Variants in CRTC3 observed in about 807,000 individuals in gnomAD.
CRTC3 encodes the protein CREB-regulated transcription coactivator 3.
CRTC3 carries 26 observed loss-of-function variants against 74.5 expected under a neutral mutation model. The observed-to-expected ratio is 0.35, with a 90% CI of 0.26 to 0.48. The LOEUF (loss-of-function observed/expected upper bound fraction) is 0.48, where lower values mean the gene tolerates loss of function less well. CRTC3 is among the 20% of genes least tolerant of loss of function. The probability of loss-of-function intolerance (pLI) is 0.99; values close to 1 mark genes in which losing one functional copy is unlikely to be tolerated. For missense variants in CRTC3, 760 were observed against 787.3 expected, an observed-to-expected ratio of 0.97 and a Z score of 0.41; for synonymous variants, 377 against 325.8, an observed-to-expected ratio of 1.16 and a Z score of -1.69.
intron 2 of CRTC3, among the ~76,000 whole-genome samples, chr15:90,585,533 G>A (rs1280978623): frequency 6.6e-6 from 1 of 152,018 alleles, no homozygotes; most frequent in African/African-American, 2.4e-5. Flanking sequence ...ATTTTATGTA[G>A]GCTATATAGC....
intron 10 of CRTC3, among the ~76,000 whole-genome samples, chr15:90,626,555 G>T (rs140376595): frequency 5.7e-4 from 86 of 151,432 alleles, no homozygotes; most frequent in African/African-American, 2.1e-3. Context: ...GGGTTTGATT[G>T]TCCACAGCTC....
At position 90,642,162 on chromosome 15, in the gene CRTC3, G is replaced by T; in HGVS notation, c.*22G>T. 1 of 1,605,230 alleles carries T rather than the reference G, an allele frequency of 6.2e-7. No individual in the cohort carries two copies. Among genetic ancestry groups the T allele is most frequent in the Non-Finnish European group, 8.5e-7 (1 of 1,172,444 alleles). On this transcript the variant is annotated 3_prime_UTR_variant, in exon 15 of 15. Transcript: ENST00000268184. ...GTGAACAGAAGGCAGTGGAACAGAA[G>T]AATGTTTTTCTGCAACAGCCAAAAT...
At chr15:90,635,018 A>G in intron 11 of CRTC3, 4 of 1,203,570 alleles carry the variant, frequency 3.3e-6, no homozygotes, top group Non-Finnish European at 4.9e-6. Context: ...ACATTCTTGG[A>G]AAGTACATAG....
intron 4 of CRTC3, 82 bp downstream of exon 4, chr15:90,602,467 T>C (rs962671884): frequency 2.5e-5 from 20 of 797,294 alleles, no homozygotes; most frequent in Non-Finnish European, 3.9e-5. Context: ...GAATGTTGTT[T>C]AGAAATTTCT....
chr15:90,575,180 G>A (rs895707982), intron 2 of CRTC3, among the ~76,000 whole-genome samples: 4 of 152,032 alleles, frequency 2.6e-5, no homozygotes, highest in South Asian at 4.1e-4. Flanking sequence ...TGAAACCCCC[G>A]TCTCTGCTAA....
At position 90,642,345 on chromosome 15, in the gene CRTC3, G is replaced by A. The variant is rs530590379; in HGVS notation, c.*205G>A. ...GCTTTGTACTGCCTCTCCCGCCTGT[G>A]GCCAAAGTCGTGTTGCAGCAGGCAG... On this transcript the variant is annotated 3_prime_UTR_variant, in exon 15 of 15. Coordinates refer to ENST00000268184, the MANE Select transcript of CRTC3 (RefSeq NM_022769.5). 6.1e-5 allele frequency: 35 copies of A among 577,574 alleles called. No homozygotes were observed. The highest frequency in any genetic ancestry group is 5.0e-4 in the African/African-American group (27 of 53,652). 35.8% of individuals were successfully genotyped at this position (577,574 alleles called of 1,614,324 possible).
intron 14 of CRTC3, 109 bp downstream of exon 14, chr15:90,641,308 C>A: frequency 1.3e-6 from 1 of 784,070 alleles, no homozygotes; most frequent in Non-Finnish European, 2.1e-6. Flanking sequence ...AAAAAGTTAA[C>A]GTTCCCTGGG....
At chr15:90,607,797 T>C (rs1441928712) in intron 6 of CRTC3, among the ~76,000 whole-genome samples, 10 of 152,120 alleles carry the variant, frequency 6.6e-5, no homozygotes, top group Non-Finnish European at 1.5e-4. Context: ...CAATCCAGTT[T>C]TATGTTAAGT....
intron 2 of CRTC3, among the ~76,000 whole-genome samples, chr15:90,575,128 T>C (rs1967372906): frequency 6.6e-6 from 1 of 152,174 alleles, no homozygotes; most frequent in Admixed American, 6.5e-5. Context: ...GGTGGGTGGA[T>C]CACCTGAGGT....
At chr15:90,629,847 G>A (rs1408441516) in intron 11 of CRTC3, among the ~76,000 whole-genome samples, 5 of 151,894 alleles carry the variant, frequency 3.3e-5, no homozygotes, top group Non-Finnish European at 5.9e-5. Flanking sequence ...CTTAGTCTTC[G>A]GAGTAGCTGG....
At chr15:90,584,680 A>C (rs1285078328) in intron 2 of CRTC3, among the ~76,000 whole-genome samples, 1 of 152,216 alleles carries the variant, frequency 6.6e-6, no homozygotes, top group Admixed American at 6.5e-5. Context: ...ACCAAGCAGC[A>C]TCATGGGCAA....
intron 6 of CRTC3, among the ~76,000 whole-genome samples, chr15:90,609,261 G>T (rs1020908360): frequency 6.6e-6 from 1 of 152,198 alleles, no homozygotes; most frequent in Non-Finnish European, 1.5e-5. Flanking sequence ...GAATATGAAA[G>T]TTGGCAGTGA....
intron 13 of CRTC3, 177 bp from the exon 14 acceptor site, chr15:90,640,919 GC>G (rs1969416033): frequency 1.7e-6 from 1 of 593,526 alleles, no homozygotes; most frequent in Non-Finnish European, 3.0e-6. Flanking sequence ...GCGTCTGCCT[GC>G]CTGACAAGAA....
intron 5 of CRTC3, among the ~76,000 whole-genome samples, chr15:90,605,210 C>T (rs370763303): frequency 5.3e-5 from 8 of 151,890 alleles, no homozygotes; most frequent in East Asian, 1.9e-4. Flanking sequence ...GCCATGTTTG[C>T]GCCATTGCAT....
chr15:90,598,931 C>T (rs929155728), intron 3 of CRTC3: 5 of 174,736 alleles, frequency 2.9e-5, no homozygotes, highest in Non-Finnish European at 6.1e-5. Context: ...CCGGAGGCTC[C>T]CGCCACCCCC....
intron 2 of CRTC3, among the ~76,000 whole-genome samples, chr15:90,568,885 A>G (rs1260812432): frequency 6.6e-6 from 1 of 152,108 alleles, no homozygotes; most frequent in African/African-American, 2.4e-5. Context: ...GATCCTTAGC[A>G]TTTTTTAGCA....
At chr15:90,562,231 T>A (rs1445362793) in intron 2 of CRTC3, among the ~76,000 whole-genome samples, 1 of 152,220 alleles carries the variant, frequency 6.6e-6, no homozygotes, top group Non-Finnish European at 1.5e-5. Context: ...GACAGAAGTT[T>A]AAGAGTGGTG....
chr15:90,549,053 TG>T (rs1966849474), intron 2 of CRTC3, among the ~76,000 whole-genome samples: 1 of 152,242 alleles, frequency 6.6e-6, no homozygotes, highest in Admixed American at 6.5e-5. Flanking sequence ...TACAGAAAAC[TG>T]GTTACATCTT....
At chr15:90,600,091 G>A (rs1313470283) in intron 3 of CRTC3, among the ~76,000 whole-genome samples, 1 of 152,128 alleles carries the variant, frequency 6.6e-6, no homozygotes, top group Admixed American at 6.5e-5. Context: ...TGTACCTTAA[G>A]CCTAATAGTG....
Sources: gnomAD v4.1 joint callset for allele counts (sites outside exome capture counted in the v4.1 genomes callset) on GRCh38, gnomAD v4.1.1 for gene constraint, MANE v1.5 for transcripts, NCBI Gene and HGNC (gene_info 2026-07-23, HGNC 2026-07-21) for gene names.